SORCS3: variants seen among roughly 807,000 people sequenced by gnomAD.
SORCS3 encodes the protein VPS10 domain-containing receptor SorCS3.
A neutral mutation model predicts 146.3 loss-of-function variants in SORCS3; 57 were observed. The observed-to-expected ratio is 0.39, with a 90% CI of 0.31 to 0.49. The LOEUF (loss-of-function observed/expected upper bound fraction) is 0.49. Among genes scored for constraint, SORCS3 ranks in the 20% least tolerant of loss-of-function variants. The pLI is 0.92. For synonymous variants in SORCS3, 653 were observed against 618.5 expected (o/e 1.06, Z -0.83); for missense variants, 1,341 against 1,575.5 (o/e 0.85, Z 2.52).
chr10:104,993,581 A>G (rs901980369), intron 4 of SORCS3, among the ~76,000 whole-genome samples: 1 of 152,064 alleles, frequency 6.6e-6, no homozygotes, highest in Non-Finnish European at 1.5e-5. Context: ...TGTTTTCATA[A>G]TTGAAATGCT....
At chr10:105,103,371 G>T (rs2055799646) in intron 6 of SORCS3, among the ~76,000 whole-genome samples, 1 of 152,140 alleles carries the variant, frequency 6.6e-6, no homozygotes, top group South Asian at 2.1e-4. Flanking sequence ...AGTTATTCAG[G>T]CCATATCCTA....
At chr10:105,084,165 G>A (rs576596902) in intron 5 of SORCS3, among the ~76,000 whole-genome samples, 2 of 152,104 alleles carry the variant, frequency 1.3e-5, no homozygotes, top group Non-Finnish European at 2.9e-5. Context: ...CTAACACATA[G>A]TGTACTCTCA....
intron 3 of SORCS3, among the ~76,000 whole-genome samples, chr10:104,944,566 C>T (rs1346264082): frequency 6.6e-6 from 1 of 152,144 alleles, no homozygotes; most frequent in Admixed American, 6.6e-5. Context: ...AGACATTTCA[C>T]CACAGAAGGT....
intron 13 of SORCS3, among the ~76,000 whole-genome samples, chr10:105,170,223 C>T (rs187740925): frequency 2.2e-3 from 329 of 152,216 alleles, no homozygotes; most frequent in African/African-American, 7.6e-3. Flanking sequence ...AAGACTGCCT[C>T]ACTTCCAAAC....
At chr10:105,056,650 G>C (rs937756899) in intron 5 of SORCS3, among the ~76,000 whole-genome samples, 1 of 152,184 alleles carries the variant, frequency 6.6e-6, no homozygotes. Context: ...ATGAGCTACT[G>C]ACTTATGACA....
intron 26 of SORCS3, 62 bp from the exon 27 acceptor site, chr10:105,263,248 C>T (rs570616050): frequency 1.3e-6 from 2 of 1,547,708 alleles, no homozygotes; most frequent in Admixed American, 3.4e-5. Context: ...GTGAATAAAA[C>T]TAAGATCCCT....
chr10:104,876,008 T>C (rs952261576), intron 2 of SORCS3, among the ~76,000 whole-genome samples: 2 of 152,154 alleles, frequency 1.3e-5, no homozygotes, highest in Non-Finnish European at 2.9e-5. Context: ...TTCTGAACCA[T>C]GTTTTTTTCC....
chr10:105,245,231 A>G (rs2056858958), intron 20 of SORCS3, among the ~76,000 whole-genome samples: 1 of 152,150 alleles, frequency 6.6e-6, no homozygotes, highest in African/African-American at 2.4e-5. Flanking sequence ...CTATTCCCAA[A>G]GTCAACAGGG....
intron 6 of SORCS3, among the ~76,000 whole-genome samples, chr10:105,101,516 C>T (rs2055784932): frequency 6.6e-6 from 1 of 152,224 alleles, no homozygotes; most frequent in South Asian, 2.1e-4. Flanking sequence ...TTTTCAAAAA[C>T]TCATTTCAGT....
intron 1 of SORCS3, among the ~76,000 whole-genome samples, chr10:104,673,693 C>A (rs1018038825): frequency 6.6e-6 from 1 of 152,148 alleles, no homozygotes; most frequent in Non-Finnish European, 1.5e-5. Flanking sequence ...CTCAAGCAGT[C>A]CTCCTGCCTT....
chr10:105,068,657 T>C (rs143430932), intron 5 of SORCS3, among the ~76,000 whole-genome samples: 59 of 152,346 alleles, frequency 3.9e-4, no homozygotes, highest in African/African-American at 1.4e-3. Context: ...TGAGTCATGA[T>C]TCCTTGTGAA....
chr10:104,984,214 A>C (rs1339559761), intron 4 of SORCS3, among the ~76,000 whole-genome samples: 1 of 152,222 alleles, frequency 6.6e-6, no homozygotes, highest in Non-Finnish European at 1.5e-5. Flanking sequence ...TTAAATGTTA[A>C]TATTAGAGAA....
intron 4 of SORCS3, among the ~76,000 whole-genome samples, chr10:105,039,407 G>A (rs1389230427): frequency 1.3e-5 from 2 of 150,286 alleles, no homozygotes; most frequent in East Asian, 3.9e-4. Context: ...GGTAGGAGGT[G>A]AAACAGGCCT....
intron 16 of SORCS3, among the ~76,000 whole-genome samples, chr10:105,207,303 T>TTATTATTATTATTATTA (rs1564784888): frequency 2.0e-5 from 3 of 148,336 alleles, no homozygotes; most frequent in Non-Finnish European, 3.0e-5. Flanking sequence ...ATTATTATTA[T>TTATTATTATTATTATTA]TTCTAAACTG....
intron 1 of SORCS3, among the ~76,000 whole-genome samples, chr10:104,766,765 G>A (rs1331296686): frequency 6.6e-6 from 1 of 152,220 alleles, no homozygotes; most frequent in Non-Finnish European, 1.5e-5. Flanking sequence ...AAGAAGATGT[G>A]GGGCCACGGT....
chr10:105,035,691 C>T (rs2055301862), intron 4 of SORCS3, among the ~76,000 whole-genome samples: 1 of 152,174 alleles, frequency 6.6e-6, no homozygotes, highest in African/African-American at 2.4e-5. Context: ...TGGTCTCGAA[C>T]TCCTGACCTT....
chr10:105,261,285 C>T (rs1250231937), intron 25 of SORCS3, among the ~76,000 whole-genome samples: 1 of 152,154 alleles, frequency 6.6e-6, no homozygotes, highest in Non-Finnish European at 1.5e-5. Context: ...GACATGTAAG[C>T]CAAGCTCTGA....
chr10:105,073,046 T>G (rs989171930), intron 5 of SORCS3, among the ~76,000 whole-genome samples: 1 of 152,152 alleles, frequency 6.6e-6, no homozygotes, highest in African/African-American at 2.4e-5. Context: ...TATTGGGTAG[T>G]GGGGCCAGGA....
At position 104,883,985 on chromosome 10, in the gene SORCS3, G is replaced by GAA. The variant is rs200475238; in HGVS notation, c.696-31846_696-31845dup. Among the ~76,000 whole-genome samples the GAA allele has an allele frequency of 3.4e-3, 507 of 150,718 alleles. 2 individuals are homozygous for GAA. Among genetic ancestry groups the GAA allele is most frequent in the South Asian group, 0.018 (88 of 4,764 alleles). On this transcript the variant is annotated intron_variant, in intron 2 of 26. Transcript: ENST00000369701. ...TGTTCTGCTGTGGAATGAGGGGGGG[G>GAA]AAAGGGTCCTACCCTATCTGTTGAG...
Sources: allele counts gnomAD v4.1 joint callset (sites outside exome capture counted in the v4.1 genomes callset), GRCh38; gene constraint gnomAD v4.1.1; transcripts MANE v1.5; gene names NCBI Gene and HGNC (gene_info 2026-07-23, HGNC 2026-07-21).